Variants in CFAP47 observed in about 807,000 individuals in gnomAD.
The protein encoded by CFAP47 is cilia and flagella associated protein 47.
In CFAP47, 29 loss-of-function variants were observed where a neutral mutation model predicts 148.1. The observed-to-expected ratio is 0.20, with a 90% CI of 0.15 to 0.27. The LOEUF (loss-of-function observed/expected upper bound fraction) is 0.27, where lower values mean the gene tolerates loss of function less well. Among genes scored for constraint, CFAP47 ranks in the 10% least tolerant of loss-of-function variants. CFAP47 has a pLI of 1.00. For missense variants in CFAP47, 1,872 were observed against 1,697.5 expected (o/e 1.10, Z -1.81); for synonymous variants, 664 against 577.3 (o/e 1.15, Z -2.15).
rs929290908 is a variant in CFAP47 at position 36,306,911 on chromosome X, A to G, written c.8187+35A>G. ...AGTATTCTTGGACCAAACCAAGTTA[A>G]TTAAATTTTAAATCAATATATAAAT... On this transcript the variant is annotated intron_variant, in intron 55 of 63. Transcript: ENST00000378653. The G allele has an allele frequency of 4.3e-6, 3 of 696,873 alleles. No homozygotes were observed. In the African/African-American group the frequency reaches 6.8e-5, roughly 16 times the overall value. 57.4% of individuals were successfully genotyped at this position (696,873 alleles called of 1,213,427 possible). A position where few individuals can be genotyped will look rare whatever the true frequency, so the allele number is the denominator to read the frequency against.
chrX:35,974,942 T>C (rs1293297391), intron 13 of CFAP47, among the ~76,000 whole-genome samples: 1 of 111,465 alleles, frequency 9.0e-6, no homozygotes, highest in African/African-American at 3.3e-5. Context: ...TTATATTGAA[T>C]TGTAGCCAAT....
At chrX:36,130,120 A>C in intron 33 of CFAP47, among the ~76,000 whole-genome samples, 1 of 111,426 alleles carries the variant, frequency 9.0e-6, no homozygotes, top group Non-Finnish European at 1.9e-5. Flanking sequence ...TACAATCAAC[A>C]AAGTAAAGAG....
Position 35,970,778 on chromosome X carries a change from A to G in CFAP47, c.1825A>G (p.Thr609Ala), listed in dbSNP as rs762873522. ...TTGCTTATATTGCAGGCCAATTTTC[A>G]CAAAAGTTCCAAGATTTAACTATGT... ...DHHKHFRPIF[T>A]KVPRFNYVNH... The change falls in exon 11 of 64, where the codon ACA (threonine) becomes GCA (alanine). Residue 609 changes from threonine (T) to alanine (A), a missense_variant. Transcript: ENST00000378653. 2.6e-6 allele frequency: 3 copies of G among 1,168,017 alleles called. No individual in the cohort carries two copies. In the African/African-American group the frequency reaches 5.4e-5, roughly 21 times the overall value.
chrX:36,078,425 T>G (rs757873000), intron 29 of CFAP47, among the ~76,000 whole-genome samples: 1 of 111,682 alleles, frequency 9.0e-6, no homozygotes, highest in African/African-American at 3.3e-5. Flanking sequence ...AGTTAGCTCT[T>G]CTTGTTGAAT....
chrX:36,278,031 G>T (rs1941036413), intron 49 of CFAP47, among the ~76,000 whole-genome samples: 1 of 112,244 alleles, frequency 8.9e-6, no homozygotes, highest in South Asian at 3.7e-4. Flanking sequence ...TCCCAGTTAG[G>T]CTACACGGGG....
intron 45 of CFAP47, among the ~76,000 whole-genome samples, chrX:36,224,496 G>A (rs1436827487): frequency 2.7e-5 from 3 of 111,583 alleles, no homozygotes; most frequent in Non-Finnish European, 5.7e-5. Flanking sequence ...CCCTTTCCTC[G>A]TTGACCTGGT....
At chrX:36,117,095 T>C (rs185596764) in intron 33 of CFAP47, among the ~76,000 whole-genome samples, 1 of 112,542 alleles carries the variant, frequency 8.9e-6, no homozygotes, top group East Asian at 2.8e-4. Context: ...TTGTTCTTTT[T>C]ATGACTGAAT....
In CFAP47 at chrX:35,919,748, A is replaced by C. The variant is rs1332658221; in HGVS notation, c.-52A>C. On this transcript the variant is annotated 5_prime_UTR_variant, in exon 1 of 64. Transcript: ENST00000378653. The stretch of plus-strand genomic sequence containing the variant: ...TGCCTAGCGACGGTCGTCGACGCTA[A>C]TCCTTGGCCGGACGGATCCACATCT... 6.9e-6 allele frequency: 8 copies of C among 1,159,353 alleles called. No homozygotes were observed. In the East Asian group the frequency reaches 2.5e-4, roughly 36 times the overall value.
chrX:35,968,491 C>T (rs760374607), intron 10 of CFAP47, among the ~76,000 whole-genome samples: 2 of 111,821 alleles, frequency 1.8e-5, no homozygotes, highest in African/African-American at 6.5e-5. Context: ...ATAGTTTTTA[C>T]ACATTTGAGA....
intron 3 of CFAP47, among the ~76,000 whole-genome samples, chrX:35,945,260 T>C (rs1221944264): frequency 8.9e-6 from 1 of 112,124 alleles, no homozygotes; most frequent in African/African-American, 3.2e-5. Context: ...ATGTTAGCTA[T>C]TTATGTTATA....
chrX:36,146,537 A>C (rs1388863391), intron 36 of CFAP47, among the ~76,000 whole-genome samples: 1 of 111,660 alleles, frequency 9.0e-6, no homozygotes, highest in East Asian at 2.8e-4. Context: ...AGAAGAAATA[A>C]ATAAAATGTA....
At chrX:36,068,990 C>T (rs1233507350) in intron 27 of CFAP47, among the ~76,000 whole-genome samples, 3 of 107,841 alleles carry the variant, frequency 2.8e-5, no homozygotes, top group Non-Finnish European at 3.8e-5. Flanking sequence ...ATTTTTTTGA[C>T]GAATATTGAC....
At chrX:36,138,198 C>G in intron 34 of CFAP47, 143 bp downstream of exon 34, 2 of 634,756 alleles carry the variant, frequency 3.2e-6, no homozygotes, top group Non-Finnish European at 4.5e-6. Flanking sequence ...GCCAGCACTA[C>G]CTTTTTGTTT....
rs183035718 is a variant in CFAP47, at chrX:36,123,788, A to G, written c.5321-14170A>G. The stretch of plus-strand genomic sequence containing the variant: ...ACTTGGTGCTCTATCCACTGTGGTC[A>G]TGCTACTGTCTAAGGTGCAAGACAG... On this transcript the variant is annotated intron_variant, in intron 33 of 63. Transcript: ENST00000378653. 2.0e-3 allele frequency among the ~76,000 whole-genome samples: 220 copies of G among 111,455 alleles called. 1 individual carries two copies. The highest frequency in any genetic ancestry group is 6.8e-3 in the African/African-American group (209 of 30,662).
intron 57 of CFAP47, among the ~76,000 whole-genome samples, chrX:36,337,857 T>C (rs940607195): frequency 4.5e-5 from 2 of 44,538 alleles, no homozygotes; most frequent in South Asian, 1.6e-3. Context: ...TCCATAATCC[T>C]TTTTTTTTTT....
chrX:36,104,565 A>G lies in CFAP47; in HGVS notation c.5194A>G (p.Thr1732Ala). ...NNMPPICVQN[T>A]PKVNPCFASS... is the part of the protein sequence containing the mutation. ...TATGCCCCCCATATGTGTGCAAAAT[A>G]CACCAAAAGTCAATCCTTGTTTTGC... The change falls in exon 33 of 64, where the codon ACA becomes GCA. Residue 1732 changes from threonine to alanine, a missense_variant. Thr to Ala is a moderately conservative substitution (Grantham distance 58, BLOSUM62 0). Coordinates refer to ENST00000378653, the MANE Select transcript of CFAP47 (RefSeq NM_001304548.2). 1 of 1,016,791 alleles carries G rather than the reference A, an allele frequency of 9.8e-7. No homozygotes were observed. Among genetic ancestry groups the G allele is most frequent in the East Asian group, 3.1e-5 (1 of 32,199 alleles). The allele number at this position is 1,016,791 out of a possible 1,213,427, so 83.8% of individuals were successfully genotyped here. A position where few individuals can be genotyped will look rare whatever the true frequency, so the allele number is the denominator to read the frequency against.
intron 13 of CFAP47, among the ~76,000 whole-genome samples, chrX:35,973,441 G>A (rs960690574): frequency 1.3e-4 from 15 of 111,560 alleles, no homozygotes; most frequent in East Asian, 2.8e-4. Context: ...CGCCCGCCTC[G>A]GCCTCCCAAA....
At chrX:36,071,786 G>T (rs373585350) in intron 27 of CFAP47, 39 bp from the exon 28 acceptor site, 46 of 1,138,593 alleles carry the variant, frequency 4.0e-5, no homozygotes, top group Non-Finnish European at 5.5e-5. Flanking sequence ...ATACGTGAAT[G>T]CATGTTTTGC....
Position 35,945,382 on chromosome X carries a change from T to A in CFAP47, c.518-2932T>A, listed in dbSNP as rs950653874. ...TCCTAAGGTTTGCCACAGACTCTTATGTTTCTTCAGTCAAGGTACTCTCCT... is the reference window on the plus strand; with the variant it reads ...TCCTAAGGTTTGCCACAGACTCTTAAGTTTCTTCAGTCAAGGTACTCTCCT... On this transcript the variant is annotated intron_variant, in intron 3 of 63. Coordinates refer to ENST00000378653, the MANE Select transcript of CFAP47 (RefSeq NM_001304548.2). Among the ~76,000 whole-genome samples the A allele has an allele frequency of 2.7e-5, 3 of 111,625 alleles. No homozygotes were observed. In the Admixed American group the frequency reaches 2.9e-4, roughly 11 times the overall value.
Sources: gnomAD v4.1 joint callset for allele counts (sites outside exome capture counted in the v4.1 genomes callset) on GRCh38, gnomAD v4.1.1 for gene constraint, MANE v1.5 for transcripts, NCBI Gene and HGNC (gene_info 2026-07-23, HGNC 2026-07-21) for gene names.